Variants in DOCK4 observed in about 807,000 individuals in gnomAD.
The protein encoded by DOCK4 is dedicator of cytokinesis protein 4.
DOCK4 carries 97 observed loss-of-function variants against 268.1 expected under a neutral mutation model. That is an observed-to-expected ratio of 0.36 (90% CI 0.31 to 0.43). The LOEUF (loss-of-function observed/expected upper bound fraction) is 0.43, where lower values mean the gene tolerates loss of function less well. Among genes scored for constraint, DOCK4 ranks in the 20% least tolerant of loss-of-function variants. DOCK4 has a pLI of 1.00. For missense variants in DOCK4, 2,145 were observed against 2,455.7 expected (o/e 0.87, Z 2.67); for synonymous variants, 954 against 887.2 (o/e 1.08, Z -1.34).
At chr7:111,960,511 T>C (rs1404479778) in intron 8 of DOCK4, among the ~76,000 whole-genome samples, 3 of 150,290 alleles carry the variant, frequency 2.0e-5, no homozygotes, top group African/African-American at 7.3e-5. Flanking sequence ...AACACGTGCT[T>C]TACCTCATGT....
intron 15 of DOCK4, among the ~76,000 whole-genome samples, chr7:111,898,135 T>C (rs775318930): frequency 5.3e-5 from 8 of 152,200 alleles, no homozygotes; most frequent in Non-Finnish European, 1.0e-4. Flanking sequence ...TTCTTCTCAA[T>C]TCAAATAAAA....
chr7:112,063,445 T>G (rs1806623994), intron 1 of DOCK4, among the ~76,000 whole-genome samples: 1 of 152,180 alleles, frequency 6.6e-6, no homozygotes, highest in Admixed American at 6.5e-5. Context: ...ACCTTAAATG[T>G]GCTCAGAACA....
At chr7:112,200,743 A>AC (rs1215348846) in intron 1 of DOCK4, among the ~76,000 whole-genome samples, 1 of 149,928 alleles carries the variant, frequency 6.7e-6, no homozygotes, top group African/African-American at 2.4e-5. Flanking sequence ...AAAAAACAAA[A>AC]AAAAACAAGA....
intron 1 of DOCK4, among the ~76,000 whole-genome samples, chr7:112,013,414 T>C (rs967938695): frequency 6.6e-6 from 1 of 152,176 alleles, no homozygotes; most frequent in African/African-American, 2.4e-5. Flanking sequence ...AAACTATTTC[T>C]CAAGGAGATA....
chr7:112,065,410 C>T (rs1229343827), intron 1 of DOCK4, among the ~76,000 whole-genome samples: 1 of 151,922 alleles, frequency 6.6e-6, no homozygotes, highest in East Asian at 1.9e-4. Flanking sequence ...TCCCTCAGTG[C>T]CTTGCCTTCA....
chr7:112,024,201 A>G (rs907699581), intron 1 of DOCK4, among the ~76,000 whole-genome samples: 5 of 152,246 alleles, frequency 3.3e-5, no homozygotes, highest in South Asian at 2.1e-4. Context: ...TGTAATGATT[A>G]TACTGGATAA....
intron 1 of DOCK4, among the ~76,000 whole-genome samples, chr7:112,139,793 G>C (rs1010296419): frequency 6.6e-6 from 1 of 152,190 alleles, no homozygotes; most frequent in Non-Finnish European, 1.5e-5. Context: ...TAGCAGAATA[G>C]GAGGTTTGAA....
intron 7 of DOCK4, among the ~76,000 whole-genome samples, chr7:111,978,173 T>C (rs1036922757): frequency 2.1e-4 from 32 of 152,066 alleles, no homozygotes; most frequent in Non-Finnish European, 1.8e-4. Context: ...ATGAACAAAA[T>C]TGTCACACAT....
intron 1 of DOCK4, among the ~76,000 whole-genome samples, chr7:112,070,359 G>A (rs906563440): frequency 2.0e-5 from 3 of 152,124 alleles, no homozygotes; most frequent in African/African-American, 7.2e-5. Context: ...GCCATTCACT[G>A]AGAGTAACTA....
chr7:111,905,788 C>T (rs1055179147), intron 13 of DOCK4, among the ~76,000 whole-genome samples: 1 of 151,146 alleles, frequency 6.6e-6, no homozygotes, highest in African/African-American at 2.4e-5. Flanking sequence ...ATTTCCTGTC[C>T]TTTAGTTTTT....
intron 15 of DOCK4, among the ~76,000 whole-genome samples, chr7:111,896,141 C>T (rs182373131): frequency 6.6e-6 from 1 of 152,170 alleles, no homozygotes; most frequent in Non-Finnish European, 1.5e-5. Context: ...GTTTTGATTA[C>T]TACCCATCAA....
intron 49 of DOCK4, among the ~76,000 whole-genome samples, 180 bp from the exon 50 acceptor site, chr7:111,737,169 T>C (rs1370504183): frequency 6.6e-6 from 1 of 152,190 alleles, no homozygotes; most frequent in African/African-American, 2.4e-5. Flanking sequence ...GGAAGAGCCT[T>C]AGGTTTTGAG....
intron 23 of DOCK4, among the ~76,000 whole-genome samples, chr7:111,861,757 AAAAT>A (rs199693316): frequency 0.28 from 37,732 of 136,680 alleles, 4,616 homozygotes; most frequent in East Asian, 0.31. Context: ...AAAAAAAAAA[AAAAT>A]AATAATAATA....
Position 111,755,666 on chromosome 7 carries a change from G to C in DOCK4, c.4330-65C>G, listed in dbSNP as rs1293578478. 4.9e-6 allele frequency: 7 copies of C among 1,423,576 alleles called. No homozygotes were observed. The East Asian group carries it at 1.6e-4, about 33-fold the overall frequency. 88.2% of individuals were successfully genotyped at this position (1,423,576 alleles called of 1,614,324 possible). ...TTCTTTCTAGCTACTTCCATGACTA[G>C]TGTTTGTCGGTCACTGTTACCAGGC... On this transcript the variant is annotated intron_variant, in intron 41 of 52. Coordinates refer to ENST00000428084, the MANE Select transcript of DOCK4 (RefSeq NM_001363540.2).
rs76302618 is a variant in DOCK4 at position 111,727,957 on chromosome 7, A to C, written c.*317T>G. On this transcript the variant is annotated 3_prime_UTR_variant, in exon 53 of 53. Transcript: ENST00000428084. ...ATTGTCACACATTGTATCGTTTGAC[A>C]ATATCGTATTGGTTTTAAGATTAAA... The C allele has an allele frequency of 0.015, 3,791 of 253,298 alleles. 116 individuals carry two copies. The highest frequency in any genetic ancestry group is 0.051 in the Admixed American group (941 of 18,420). 15.7% of individuals were successfully genotyped at this position (253,298 alleles called of 1,614,324 possible). A position where few individuals can be genotyped will look rare whatever the true frequency, so the allele number is the denominator to read the frequency against.
At chr7:112,009,004 A>C (rs1333361742) in intron 1 of DOCK4, among the ~76,000 whole-genome samples, 2 of 152,188 alleles carry the variant, frequency 1.3e-5, no homozygotes, top group East Asian at 3.9e-4. Flanking sequence ...AAAACAAACA[A>C]ACAAACAAAG....
chr7:111,918,516 C>G (rs1052009602), intron 12 of DOCK4, among the ~76,000 whole-genome samples: 8 of 152,142 alleles, frequency 5.3e-5, no homozygotes, highest in African/African-American at 1.9e-4. Context: ...TTATGTGATA[C>G]TAGTAGAACC....
intron 1 of DOCK4, among the ~76,000 whole-genome samples, chr7:112,105,051 G>T (rs976340144): frequency 3.9e-5 from 6 of 152,120 alleles, no homozygotes. Flanking sequence ...AAAACAGGAA[G>T]ATACTGGCCA....
At chr7:112,147,198 T>A (rs1386928469) in intron 1 of DOCK4, among the ~76,000 whole-genome samples, 3 of 152,194 alleles carry the variant, frequency 2.0e-5, no homozygotes, top group African/African-American at 7.2e-5. Context: ...TCATTAGAAA[T>A]ATACACAGGT....
Sources: allele counts gnomAD v4.1 joint callset (sites outside exome capture counted in the v4.1 genomes callset), GRCh38; gene constraint gnomAD v4.1.1; transcripts MANE v1.5; gene names NCBI Gene and HGNC (gene_info 2026-07-23, HGNC 2026-07-21).